The following ULK4 variants were observed in gnomAD, a reference collection of about 807,000 sequenced individuals.
ULK4 encodes unc-51 like kinase 4.
ULK4 carries 133 observed loss-of-function variants against 160.6 expected under a neutral mutation model. The ratio of observed to expected loss-of-function variants is 0.83; its 90% confidence interval spans 0.72 to 0.96. The LOEUF (loss-of-function observed/expected upper bound fraction) is 0.96, where lower values mean the gene tolerates loss of function less well. ULK4 is among the 40% of genes least tolerant of loss of function. The probability of loss-of-function intolerance (pLI) is 0.00; values close to 1 mark genes in which losing one functional copy is unlikely to be tolerated. For synonymous variants in ULK4, 534 were observed against 539.8 expected (o/e 0.99, Z 0.15); for missense variants, 1,580 against 1,499.5 (o/e 1.05, Z -0.89).
At chr3:41,527,450 G>A (rs573972409) in intron 32 of ULK4, among the ~76,000 whole-genome samples, 2 of 152,310 alleles carry the variant, frequency 1.3e-5, no homozygotes, top group East Asian at 3.9e-4. Flanking sequence ...AGACAATGGT[G>A]AGTGGGTATA....
chr3:41,404,406 C>G (rs946886417), intron 34 of ULK4, among the ~76,000 whole-genome samples: 5 of 152,000 alleles, frequency 3.3e-5, no homozygotes, highest in African/African-American at 7.2e-5. Context: ...ATAACCACTC[C>G]TGCTTTTAAA....
At chr3:41,961,690 G>A (rs1181061612) in intron 1 of ULK4, among the ~76,000 whole-genome samples, 3 of 152,088 alleles carry the variant, frequency 2.0e-5, no homozygotes, top group Non-Finnish European at 4.4e-5. Flanking sequence ...GTGAAGACGC[G>A]GTCCGCTCTG....
intron 35 of ULK4, among the ~76,000 whole-genome samples, chr3:41,324,182 C>A (rs889326548): frequency 6.6e-6 from 1 of 152,160 alleles, no homozygotes; most frequent in African/African-American, 2.4e-5. Context: ...AGCTTGTGCT[C>A]AGGACCCAAA....
At chr3:41,531,739 G>A (rs76135764) in intron 32 of ULK4, among the ~76,000 whole-genome samples, 5,587 of 152,180 alleles carry the variant, frequency 0.037, 224 homozygotes, top group African/African-American at 0.1. Context: ...GAAAACCAGA[G>A]TCAAATAGAG....
rs569506374 is a variant in ULK4, at chr3:41,671,657, C to T, written c.2979-7958G>A. On this transcript the variant is annotated intron_variant, in intron 29 of 36. Transcript: ENST00000301831. ...AGGGAAAACTCTTCAGGACACTGGT[C>T]TAGGGAGAGATTTTATAGCTAAGAC... Among the ~76,000 whole-genome samples the T allele has an allele frequency of 1.2e-4, 18 of 152,066 alleles. No homozygotes were observed. The South Asian group carries it at 3.5e-3, about 30-fold the overall frequency.
In ULK4 at chr3:41,435,864, T is replaced by C. The variant is rs563234904; in HGVS notation, c.3492+19633A>G. Among the ~76,000 whole-genome samples, 76 of 152,240 alleles carry C rather than the reference T, an allele frequency of 5.0e-4. 1 individual carries two copies. Among genetic ancestry groups the C allele is most frequent in the African/African-American group, 1.8e-3 (74 of 41,550 alleles). ...CAGGAGGCTGAGGCAGGAGAATCAATTGAACTCTGGGAGGTGGAGGTTGGA... is the reference window on the plus strand; with the variant it reads ...CAGGAGGCTGAGGCAGGAGAATCAACTGAACTCTGGGAGGTGGAGGTTGGA... On this transcript the variant is annotated intron_variant, in intron 34 of 36. Transcript: ENST00000301831.
At chr3:41,774,694 A>G (rs1010811587) in intron 21 of ULK4, among the ~76,000 whole-genome samples, 5 of 150,296 alleles carry the variant, frequency 3.3e-5, no homozygotes, top group African/African-American at 5.0e-5. Context: ...AACTAGAAAT[A>G]CCATTTGACC....
At chr3:41,469,602 C>CAAAAAAAAAAAAAAAAAAAAAAAAAA (rs71616008) in intron 32 of ULK4, among the ~76,000 whole-genome samples, 6 of 11,314 alleles carry the variant, frequency 5.3e-4, no homozygotes, top group Non-Finnish European at 8.6e-4. Flanking sequence ...CTACACCTGC[C>CAAAAAAAAAAAAAAAAAAAAAAAAAA]AAAAAAAAAA....
chr3:41,761,204 T>C (rs930824998), intron 21 of ULK4, among the ~76,000 whole-genome samples: 4 of 151,940 alleles, frequency 2.6e-5, no homozygotes, highest in South Asian at 2.1e-4. Flanking sequence ...TTAAACCTCA[T>C]AGAACTGAGT....
At position 41,958,303 on chromosome 3, in the gene ULK4, T is replaced by C. The variant is rs77131746; in HGVS notation, c.-48-3496A>G. On this transcript the variant is annotated intron_variant, in intron 1 of 36. Transcript: ENST00000301831. The stretch of plus-strand genomic sequence containing the variant: ...CTGGTGCACAACAATGTAACTGTTC[T>C]TAAGCTCTACTAAACTTGTACCCTT... 3.9e-5 allele frequency among the ~76,000 whole-genome samples: 6 copies of C among 152,302 alleles called. No homozygotes were observed. In the East Asian group the frequency reaches 1.2e-3, roughly 29 times the overall value.
chr3:41,904,449 AATAG>A (rs143944576), intron 12 of ULK4, among the ~76,000 whole-genome samples: 122 of 151,982 alleles, frequency 8.0e-4, no homozygotes, highest in African/African-American at 2.7e-3. Flanking sequence ...TAAATAAATA[AATAG>A]ATAGATAGAT....
intron 25 of ULK4, among the ~76,000 whole-genome samples, chr3:41,705,705 C>T (rs1056029189): frequency 2.6e-5 from 4 of 151,984 alleles, no homozygotes; most frequent in Non-Finnish European, 4.4e-5. Flanking sequence ...ATGTTGGTCA[C>T]GCTGGTCTCA....
chr3:41,263,438 G>A (rs925279641), intron 35 of ULK4, among the ~76,000 whole-genome samples: 1 of 152,090 alleles, frequency 6.6e-6, no homozygotes, highest in African/African-American at 2.4e-5. Context: ...AAGCAAAGTA[G>A]AGCCATGTCA....
At chr3:41,690,290 G>A (rs1189363382) in intron 27 of ULK4, among the ~76,000 whole-genome samples, 1 of 151,406 alleles carries the variant, frequency 6.6e-6, no homozygotes, top group Non-Finnish European at 1.5e-5. Context: ...GGGGACTGTT[G>A]TGGGGTAGGG....
intron 35 of ULK4, among the ~76,000 whole-genome samples, chr3:41,271,945 C>T (rs2125686737): frequency 6.6e-6 from 1 of 152,048 alleles, no homozygotes; most frequent in Middle Eastern, 3.4e-3. Context: ...GAGATGGAGT[C>T]TCCCTTTGTC....
In ULK4 at chr3:41,246,971, C is replaced by T; in HGVS notation, c.3786G>A (p.Val1262=). 6.2e-7 allele frequency: 1 copy of T among 1,613,986 alleles called. No individual in the cohort carries two copies. The highest frequency in any genetic ancestry group is 8.5e-7 in the Non-Finnish European group (1 of 1,179,964). ...GGAGGATTTCCAGGGCCAAGGGAGCCACCGCACTGTCGGCAAATGAACTGT... is the reference window on the plus strand; with the variant it reads ...GGAGGATTTCCAGGGCCAAGGGAGCTACCGCACTGTCGGCAAATGAACTGT... ...PGSGSFADSA[V]APLALEILQA... is the part of the protein sequence containing the mutation. Residue 1262 remains valine, a synonymous_variant, in exon 37 of 37, where the codon GTG becomes GTA. Coordinates refer to ENST00000301831, the MANE Select transcript of ULK4 (RefSeq NM_017886.4).
chr3:41,606,788 T>C (rs573772697), intron 31 of ULK4, among the ~76,000 whole-genome samples: 1 of 152,216 alleles, frequency 6.6e-6, no homozygotes, highest in African/African-American at 2.4e-5. Context: ...ATTCAGAGCC[T>C]TTGCCCATTT....
At chr3:41,819,147 T>C (rs527730784) in intron 19 of ULK4, among the ~76,000 whole-genome samples, 3 of 152,316 alleles carry the variant, frequency 2.0e-5, no homozygotes, top group Middle Eastern at 3.4e-3. Context: ...GGAGGGTAAT[T>C]AAGAATATGC....
At chr3:41,493,671 T>C (rs1388893106) in intron 32 of ULK4, among the ~76,000 whole-genome samples, 5 of 150,338 alleles carry the variant, frequency 3.3e-5, no homozygotes, top group African/African-American at 1.2e-4. Context: ...ACAAAATTGA[T>C]AGACTGCTAG....
Sources: allele counts gnomAD v4.1 joint callset (sites outside exome capture counted in the v4.1 genomes callset), GRCh38; gene constraint gnomAD v4.1.1; transcripts MANE v1.5; gene names NCBI Gene and HGNC (gene_info 2026-07-23, HGNC 2026-07-21).